Variants in MECR observed in about 807,000 individuals in gnomAD.
MECR encodes mitochondrial trans-2-enoyl-CoA reductase, also known as enoyl-[acyl-carrier-protein] reductase, mitochondrial.
A neutral mutation model predicts 49.1 loss-of-function variants in MECR; 37 were observed. That is an observed-to-expected ratio of 0.75 (90% CI 0.58 to 0.99). The LOEUF (loss-of-function observed/expected upper bound fraction) is 0.99, where lower values mean the gene tolerates loss of function less well. Among genes scored for constraint, MECR ranks in the 50% least tolerant of loss-of-function variants. MECR has a pLI of 0.00. For synonymous variants in MECR, 198 were observed against 191.1 expected (o/e 1.04, Z -0.30); for missense variants, 470 against 479.6 (o/e 0.98, Z 0.19).
At chr1:29,212,451 T>C (rs557655504) in intron 3 of MECR, among the ~76,000 whole-genome samples, 2 of 152,234 alleles carry the variant, frequency 1.3e-5, no homozygotes, top group African/African-American at 4.8e-5. Context: ...GAATCACCTT[T>C]TCTCCAGGGA....
the MECR span, chr1:29,168,769 T>C: frequency 1.3e-5 from 2 of 152,216 alleles, no homozygotes; most frequent in Non-Finnish European, 2.9e-5. Flanking sequence ...AGATGAAGAC[T>C]TGGATCTAGA....
At chr1:29,219,309 T>C (rs1266233605) in intron 1 of MECR, among the ~76,000 whole-genome samples, 1 of 152,246 alleles carries the variant, frequency 6.6e-6, no homozygotes, top group Non-Finnish European at 1.5e-5. Flanking sequence ...ATCAGAGTTT[T>C]TCTGTAAGCT....
At chr1:29,179,392 T>C in the MECR span, among the ~76,000 whole-genome samples, 1 of 152,180 alleles carries the variant, frequency 6.6e-6, no homozygotes, top group Non-Finnish European at 1.5e-5. Context: ...ATGGGGGTCT[T>C]GCTGTTACCC....
chr1:29,218,683 C>T (rs1680056446), intron 1 of MECR, among the ~76,000 whole-genome samples: 1 of 152,164 alleles, frequency 6.6e-6, no homozygotes, highest in South Asian at 2.1e-4. Context: ...CCAGCCTGGT[C>T]AACCTAGTGA....
chr1:29,220,778 G>A, intron 1 of MECR: 1 of 410,022 alleles, frequency 2.4e-6, no homozygotes, highest in Non-Finnish European at 3.3e-6. Flanking sequence ...GATAACACGA[G>A]AACTCAGTTC....
chr1:29,214,775 A>G (rs1022070611), intron 3 of MECR, among the ~76,000 whole-genome samples: 2 of 152,104 alleles, frequency 1.3e-5, no homozygotes, highest in African/African-American at 4.8e-5. Context: ...GGGCACTCTC[A>G]TTTTGCTGTT....
chr1:29,176,096 CA>C, the MECR span, among the ~76,000 whole-genome samples: 1 of 151,826 alleles, frequency 6.6e-6, no homozygotes, highest in East Asian at 1.9e-4. Flanking sequence ...ACTAAAAATA[CA>C]AAAAATTAGC....
intron 3 of MECR, among the ~76,000 whole-genome samples, chr1:29,208,212 G>A (rs538515764): frequency 6.2e-4 from 95 of 152,242 alleles, no homozygotes; most frequent in Middle Eastern, 6.8e-3. Flanking sequence ...GGCTGGTCTC[G>A]AACTCCTGAC....
chr1:29,196,144 T>C (rs531955187), intron 8 of MECR, 54 bp downstream of exon 8: 2 of 1,607,664 alleles, frequency 1.2e-6, no homozygotes, highest in East Asian at 4.5e-5. Flanking sequence ...GGATGTGGCC[T>C]GGCTGAGGTG....
At chr1:29,211,238 C>T (rs560076803) in intron 3 of MECR, among the ~76,000 whole-genome samples, 4 of 152,220 alleles carry the variant, frequency 2.6e-5, no homozygotes, top group East Asian at 3.9e-4. Flanking sequence ...TGCCACACTT[C>T]GCTAATTTTT....
chr1:29,219,053 C>A (rs1680145006), intron 1 of MECR, among the ~76,000 whole-genome samples: 1 of 152,106 alleles, frequency 6.6e-6, no homozygotes, highest in Admixed American at 6.6e-5. Context: ...GCTGACCCCA[C>A]ACCAAGCAGA....
intron 7 of MECR, 27 bp downstream of exon 7, chr1:29,200,489 C>CT (rs1675049838): frequency 1.2e-6 from 2 of 1,604,834 alleles, no homozygotes; most frequent in Non-Finnish European, 8.5e-7. Flanking sequence ...CTCTGGCGAG[C>CT]TGGACCTGCA....
At chr1:29,187,379 A>AT in the MECR span, among the ~76,000 whole-genome samples, 425 of 149,350 alleles carry the variant, frequency 2.8e-3, 1 homozygote, top group African/African-American at 0.01. Flanking sequence ...TGCCTGGGTA[A>AT]TTTTTTTTGT....
intron 1 of MECR, chr1:29,224,407 G>A (rs888355981): frequency 6.6e-6 from 1 of 152,174 alleles, no homozygotes; most frequent in African/African-American, 2.4e-5. Context: ...TTGCTCCCTG[G>A]AGGCTGCTGG....
the MECR span, among the ~76,000 whole-genome samples, chr1:29,182,355 C>T: frequency 6.6e-6 from 1 of 152,064 alleles, no homozygotes. Flanking sequence ...CCAGAGTTGT[C>T]TTGAGAATTA....
At chr1:29,189,409 C>T (rs140580444), downstream of MECR, among the ~76,000 whole-genome samples, 922 of 150,274 alleles carry the variant, frequency 6.1e-3, 8 homozygotes, top group African/African-American at 0.021. Context: ...GGGGGGGTCT[C>T]CTCATGTTGC....
At chr1:29,169,139 C>T in the MECR span, 1 of 152,194 alleles carries the variant, frequency 6.6e-6, no homozygotes, top group Non-Finnish European at 1.5e-5. Context: ...GTGCTTTACA[C>T]ACATTATATC....
chr1:29,181,786 C>A, the MECR span: 1 of 1,531,024 alleles, frequency 6.5e-7, no homozygotes, highest in Non-Finnish European at 8.8e-7. Context: ...GCCCCGGCCC[C>A]AGCCCCCCTT....
chr1:29,202,069 G>A (rs1675453780), intron 5 of MECR, 24 bp from the exon 6 acceptor site: 1 of 1,596,280 alleles, frequency 6.3e-7, no homozygotes, highest in African/African-American at 1.3e-5. Flanking sequence ...ATAGGTCCCT[G>A]GTCACATCTG....
Sources: gnomAD v4.1 joint callset for allele counts (sites outside exome capture counted in the v4.1 genomes callset) on GRCh38, gnomAD v4.1.1 for gene constraint, MANE v1.5 for transcripts, NCBI Gene and HGNC (gene_info 2026-07-23, HGNC 2026-07-21) for gene names.